ESR1: variants seen among roughly 807,000 people sequenced by gnomAD.
The protein encoded by ESR1 is estrogen receptor.
A neutral mutation model predicts 52.7 loss-of-function variants in ESR1; 12 were observed. The observed-to-expected ratio is 0.23, with a 90% CI of 0.15 to 0.37. The LOEUF (loss-of-function observed/expected upper bound fraction) is 0.37, where lower values mean the gene tolerates loss of function less well. ESR1 is among the 10% of genes least tolerant of loss of function. The pLI, the probability that ESR1 is intolerant of heterozygous loss-of-function variation, is 1.00. For synonymous variants in ESR1, 305 were observed against 316.8 expected (o/e 0.96, Z 0.39); for missense variants, 584 against 779.7 (o/e 0.75, Z 2.99).
At chr6:151,991,197 A>G (rs1047814761) in intron 4 of ESR1, among the ~76,000 whole-genome samples, 10 of 152,208 alleles carry the variant, frequency 6.6e-5, no homozygotes, top group Non-Finnish European at 1.2e-4. Context: ...CTGTGATGAC[A>G]GAGAAAATAC....
intron 2 of ESR1, among the ~76,000 whole-genome samples, chr6:151,866,487 C>T (rs1789931833): frequency 2.0e-5 from 3 of 152,092 alleles, no homozygotes; most frequent in Admixed American, 6.6e-5. Flanking sequence ...AGCCCCCCAC[C>T]CCCTGACAGG....
chr6:152,029,277 C>T (rs1255286299), intron 5 of ESR1, among the ~76,000 whole-genome samples: 1 of 152,148 alleles, frequency 6.6e-6, no homozygotes, highest in Non-Finnish European at 1.5e-5. Flanking sequence ...AGCAACGGAA[C>T]AAAGCTGGAT....
In ESR1 at chr6:152,102,770, T is replaced by G. The variant is rs1062577; in HGVS notation, c.*3804T>G. 2 of 216,584 alleles carry G rather than the reference T, an allele frequency of 9.2e-6. No individual in the cohort carries two copies. The highest frequency in any genetic ancestry group is 1.9e-5 in the Non-Finnish European group (2 of 107,326). The allele number at this position is 216,584 out of a possible 1,614,324, so 13.4% of individuals were successfully genotyped here. ...TGAGATTCAAGAAAAATTTCTATTCTTTTTTTTGCATCCAATTGTGCCTGA... is the reference window on the plus strand; with the variant it reads ...TGAGATTCAAGAAAAATTTCTATTCGTTTTTTTGCATCCAATTGTGCCTGA... On this transcript the variant is annotated 3_prime_UTR_variant, in exon 8 of 8. Transcript: ENST00000206249.
chr6:151,935,310 T>G (rs548541369), intron 3 of ESR1, among the ~76,000 whole-genome samples: 2 of 152,294 alleles, frequency 1.3e-5, no homozygotes, highest in African/African-American at 4.8e-5. Context: ...AGATCACAGA[T>G]TTAACGTGAA....
At chr6:151,719,376 A>G (rs1180449888) in intron 2 of ESR1, among the ~76,000 whole-genome samples, 1 of 152,166 alleles carries the variant, frequency 6.6e-6, no homozygotes, top group African/African-American at 2.4e-5. Context: ...TGTCAAGATA[A>G]GCCTTCCTGA....
At chr6:151,660,565 G>C (rs1238500305) in intron 1 of ESR1, among the ~76,000 whole-genome samples, 1 of 152,116 alleles carries the variant, frequency 6.6e-6, no homozygotes, top group African/African-American at 2.4e-5. Context: ...CATACAGTAG[G>C]AGTCCAGCCA....
intron 2 of ESR1, among the ~76,000 whole-genome samples, chr6:151,711,243 A>T (rs372603585): frequency 3.4e-5 from 5 of 147,122 alleles, no homozygotes; most frequent in East Asian, 2.0e-4. Context: ...TTTTTTTGAG[A>T]TGGAGTCTCA....
chr6:151,726,631 C>T (rs117819917), intron 2 of ESR1, among the ~76,000 whole-genome samples: 3,010 of 152,260 alleles, frequency 0.02, 37 homozygotes, highest in East Asian at 0.03. Context: ...CCACAGCGCC[C>T]GGTCAAGAGT....
chr6:151,851,077 C>T (rs1786610084), intron 2 of ESR1, among the ~76,000 whole-genome samples: 1 of 152,156 alleles, frequency 6.6e-6, no homozygotes, highest in African/African-American at 2.4e-5. Flanking sequence ...AACAAGAGTT[C>T]AAGGACTGCC....
At position 151,877,068 on chromosome 6, in the gene ESR1, A is replaced by G. The variant is rs552929123; in HGVS notation, c.644-3587A>G. Among the ~76,000 whole-genome samples, 8 of 151,940 alleles carry G rather than the reference A, an allele frequency of 5.3e-5. No individual in the cohort carries two copies. In the South Asian group the frequency reaches 8.3e-4, roughly 16 times the overall value. ...CTACTTCAGTAAGATTTTCTCAAGC[A>G]TTATCTTGAGAAGACCAGATAATAA... On this transcript the variant is annotated intron_variant, in intron 2 of 7. Coordinates refer to ENST00000206249, the MANE Select transcript of ESR1 (RefSeq NM_000125.4).
intron 4 of ESR1, among the ~76,000 whole-genome samples, chr6:152,003,346 G>A (rs1458010742): frequency 6.7e-6 from 1 of 149,938 alleles, no homozygotes; most frequent in Non-Finnish European, 1.5e-5. Context: ...AATTATGTGT[G>A]TGTGTGTGTG....
intron 5 of ESR1, among the ~76,000 whole-genome samples, chr6:152,044,308 A>C (rs1472987558): frequency 1.3e-5 from 2 of 152,184 alleles, no homozygotes; most frequent in Non-Finnish European, 2.9e-5. Context: ...TTTAGCAGCC[A>C]ACTCCAGAAA....
chr6:151,748,466 CTTCG>C (rs932423915), intron 2 of ESR1, among the ~76,000 whole-genome samples: 1 of 152,018 alleles, frequency 6.6e-6, no homozygotes, highest in Non-Finnish European at 1.5e-5. Flanking sequence ...GACGATGTAC[CTTCG>C]TTCGTTTTAA....
At chr6:151,897,965 G>A (rs1795811236) in intron 3 of ESR1, among the ~76,000 whole-genome samples, 1 of 152,096 alleles carries the variant, frequency 6.6e-6, no homozygotes, top group Non-Finnish European at 1.5e-5. Context: ...GCTTAGTTTT[G>A]CTGGATACAA....
At chr6:151,995,988 C>T (rs1000858759) in intron 4 of ESR1, among the ~76,000 whole-genome samples, 2 of 152,306 alleles carry the variant, frequency 1.3e-5, no homozygotes, top group South Asian at 2.1e-4. Context: ...GAGCTGAGAT[C>T]TCACCCAAGG....
intron 7 of ESR1, among the ~76,000 whole-genome samples, chr6:152,095,520 C>T (rs201131537): frequency 1.3e-5 from 2 of 152,308 alleles, no homozygotes; most frequent in East Asian, 1.9e-4. Flanking sequence ...ATGTTCTCAT[C>T]GCAATGGCAG....
chr6:151,868,239 TGCCTCAGCCTCCCAA>T (rs1285589888), intron 2 of ESR1, among the ~76,000 whole-genome samples: 2 of 152,158 alleles, frequency 1.3e-5, no homozygotes, highest in Non-Finnish European at 2.9e-5. Context: ...GCAATTCTCC[TGCCTCAGCCTCCCAA>T]GTAGCTGGGA....
At chr6:151,987,414 A>G (rs1297527261) in intron 4 of ESR1, among the ~76,000 whole-genome samples, 1 of 152,076 alleles carries the variant, frequency 6.6e-6, no homozygotes, top group Admixed American at 6.5e-5. Flanking sequence ...ATGTGTCACC[A>G]CACCCAGCTA....
intron 7 of ESR1, among the ~76,000 whole-genome samples, chr6:152,097,975 C>CA (rs1348803653): frequency 1.3e-5 from 2 of 152,188 alleles, no homozygotes; most frequent in Non-Finnish European, 2.9e-5. Flanking sequence ...GCTGAGCCTG[C>CA]AGAGGCTTGA....
Sources: gnomAD v4.1 joint callset for allele counts (sites outside exome capture counted in the v4.1 genomes callset) on GRCh38, gnomAD v4.1.1 for gene constraint, MANE v1.5 for transcripts, NCBI Gene and HGNC (gene_info 2026-07-23, HGNC 2026-07-21) for gene names.